The following CRYL1 variants were observed in gnomAD, a reference collection of about 807,000 sequenced individuals.
The protein encoded by CRYL1 is crystallin lambda 1.
CRYL1 carries 29 observed loss-of-function variants against 36.6 expected under a neutral mutation model. The observed-to-expected ratio is 0.79, with a 90% CI of 0.59 to 1.08. The LOEUF (loss-of-function observed/expected upper bound fraction) is 1.08. Ranked by LOEUF, CRYL1 falls within the 50% of genes least tolerant of loss-of-function variation. The pLI is 0.00. For missense variants in CRYL1, 411 were observed against 407.9 expected, an observed-to-expected ratio of 1.01 and a Z score of -0.06; for synonymous variants, 152 against 151.5, an observed-to-expected ratio of 1.00 and a Z score of -0.02.
intron 2 of CRYL1, among the ~76,000 whole-genome samples, chr13:20,490,361 C>T (rs2033485799): frequency 6.6e-6 from 1 of 152,140 alleles, no homozygotes; most frequent in Non-Finnish European, 1.5e-5. Context: ...CACTGCACTC[C>T]AGCCTGAGCG....
intron 5 of CRYL1, among the ~76,000 whole-genome samples, chr13:20,416,336 TG>T (rs1565956862): frequency 6.6e-6 from 1 of 152,172 alleles, no homozygotes; most frequent in Non-Finnish European, 1.5e-5. Flanking sequence ...TCACGGGGGC[TG>T]GGGGATATCT....
At chr13:20,468,642 G>C (rs1035113941) in intron 3 of CRYL1, among the ~76,000 whole-genome samples, 1 of 152,026 alleles carries the variant, frequency 6.6e-6, no homozygotes, top group Admixed American at 6.6e-5. Flanking sequence ...GTCTCGCTCT[G>C]TTGCCCAGGC....
intron 3 of CRYL1, among the ~76,000 whole-genome samples, chr13:20,463,661 G>A (rs540978637): frequency 6.6e-6 from 1 of 152,296 alleles, no homozygotes; most frequent in Non-Finnish European, 1.5e-5. Context: ...CAGGTAGCTA[G>A]CTCGGGGTCC....
intron 3 of CRYL1, among the ~76,000 whole-genome samples, chr13:20,475,248 C>G (rs2033143275): frequency 6.6e-6 from 1 of 152,314 alleles, no homozygotes; most frequent in South Asian, 2.1e-4. Flanking sequence ...GTGTCTCTCC[C>G]TCCCTGGCAG....
intron 4 of CRYL1, 79 bp downstream of exon 4, chr13:20,439,514 C>CAAA (rs56087130): frequency 4.0e-4 from 133 of 331,762 alleles, no homozygotes; most frequent in African/African-American, 1.1e-3. Context: ...CCCTCCCCCG[C>CAAA]AAAAAAAAAA....
At chr13:20,508,301 G>A (rs1225034401) in intron 2 of CRYL1, among the ~76,000 whole-genome samples, 1 of 152,126 alleles carries the variant, frequency 6.6e-6, no homozygotes, top group East Asian at 1.9e-4. Context: ...AGAAGGAGAA[G>A]CATTTTTTAG....
chr13:20,496,179 C>T (rs9509251), intron 2 of CRYL1, among the ~76,000 whole-genome samples: 139,946 of 152,212 alleles, frequency 0.92, 65,562 homozygotes, highest in East Asian at 1. Context: ...ATGACTCCAC[C>T]TACAACAGGT....
At chr13:20,447,978 G>A (rs73160883) in intron 3 of CRYL1, among the ~76,000 whole-genome samples, 45 of 152,202 alleles carry the variant, frequency 3.0e-4, no homozygotes, top group South Asian at 8.3e-4. Context: ...ACACACCCGA[G>A]AAAGTGATCT....
intron 5 of CRYL1, chr13:20,431,472 C>G: frequency 1.0e-6 from 1 of 991,682 alleles, no homozygotes; most frequent in South Asian, 4.6e-5. Flanking sequence ...TCCGCCTCGT[C>G]CTGGGGTCCA....
rs61380702 is a variant in CRYL1 at position 20,505,359 on chromosome 13, C to CAAAAAAAAAAAAAAAAA, written c.149+7067_149+7083dup. ...GCAACAAAGTGAGACTCTATCCCAC[C>CAAAAAAAAAAAAAAAAA]AAAAAAAAAAAAAAAAAAAAAAATC... On this transcript the variant is annotated intron_variant, in intron 2 of 7. Transcript: ENST00000298248. Among the ~76,000 whole-genome samples the CAAAAAAAAAAAAAAAAA allele has an allele frequency of 2.3e-3, 214 of 91,162 alleles. 2 individuals carry two copies. The highest frequency in any genetic ancestry group is 4.5e-3 in the East Asian group (12 of 2,674). The allele number at this position is 91,162 out of a possible 152,430, so 59.8% of individuals were successfully genotyped here.
chr13:20,483,213 C>T (rs1370283547), intron 3 of CRYL1, among the ~76,000 whole-genome samples: 2 of 152,140 alleles, frequency 1.3e-5, no homozygotes, highest in East Asian at 1.9e-4. Context: ...AAAAGATAAA[C>T]GTGTGAGGTT....
rs577167120 is a variant in CRYL1 at position 20,404,797 on chromosome 13, T to G, written c.740-56A>C. 3.7e-4 allele frequency: 454 copies of G among 1,224,370 alleles called. 1 individual carries two copies. The highest frequency in any genetic ancestry group is 5.0e-4 in the Non-Finnish European group (411 of 829,022). The allele number at this position is 1,224,370 out of a possible 1,614,324, so 75.8% of individuals were successfully genotyped here. A position where few individuals can be genotyped will look rare whatever the true frequency, so the allele number is the denominator to read the frequency against. ...TCTCAGAAAAAAACATTCTTAGTTA[T>G]ATTCAAACTCAGAAATGCATTCAGA... On this transcript the variant is annotated intron_variant, in intron 6 of 7. Coordinates refer to ENST00000298248, the MANE Select transcript of CRYL1 (RefSeq NM_015974.3).
chr13:20,472,364 T>C (rs1321191174), intron 3 of CRYL1, among the ~76,000 whole-genome samples: 5 of 152,114 alleles, frequency 3.3e-5, no homozygotes, highest in Admixed American at 1.3e-4. Flanking sequence ...TTTTGCCAAA[T>C]ATTTTCAAGT....
chr13:20,512,077 G>A (rs982597362), intron 2 of CRYL1, among the ~76,000 whole-genome samples: 1 of 152,198 alleles, frequency 6.6e-6, no homozygotes, highest in African/African-American at 2.4e-5. Context: ...TTCCTAAACT[G>A]TAATGCCCCT....
chr13:20,471,442 A>G (rs1424412240), intron 3 of CRYL1, among the ~76,000 whole-genome samples: 3 of 152,012 alleles, frequency 2.0e-5, no homozygotes, highest in Non-Finnish European at 2.9e-5. Context: ...CATCTCTACT[A>G]AAAATACGAA....
At chr13:20,506,476 G>A (rs1382149185) in intron 2 of CRYL1, among the ~76,000 whole-genome samples, 2 of 151,790 alleles carry the variant, frequency 1.3e-5, no homozygotes, top group African/African-American at 4.8e-5. Flanking sequence ...ATGATATTAA[G>A]AAATACAGCT....
In CRYL1 at chr13:20,430,599, T is replaced by A. The variant is rs953958; in HGVS notation, c.633+1503A>T. On this transcript the variant is annotated intron_variant, in intron 5 of 7. Coordinates refer to ENST00000298248, the MANE Select transcript of CRYL1 (RefSeq NM_015974.3). ...CAAAAGGAAACACCAGAGTCCTCCA[T>A]GGCTCTTGCAATGGAGAGTTCTTTG... The A allele has an allele frequency of 2.1e-3, 2,097 of 985,164 alleles. 2 individuals are homozygous for A. Among genetic ancestry groups the A allele is most frequent in the Non-Finnish European group, 2.4e-3 (1,999 of 829,880 alleles). 61.0% of individuals were successfully genotyped at this position (985,164 alleles called of 1,614,324 possible).
At position 20,463,256 on chromosome 13, in the gene CRYL1, C is replaced by G. The variant is rs73443967; in HGVS notation, c.277-23502G>C. ...GCTCATTGTCAAAAATTTAGACAAA[C>G]CTCAACCAAACTCCACCTCCAAGAG... On this transcript the variant is annotated intron_variant, in intron 3 of 7. Transcript: ENST00000298248. Among the ~76,000 whole-genome samples, 300 of 152,308 alleles carry G rather than the reference C, an allele frequency of 2.0e-3. 3 individuals are homozygous for G. The highest frequency in any genetic ancestry group is 7.0e-3 in the African/African-American group (293 of 41,572).
chr13:20,476,603 G>A (rs2033172459), intron 3 of CRYL1, among the ~76,000 whole-genome samples: 3 of 152,250 alleles, frequency 2.0e-5, no homozygotes, highest in South Asian at 4.1e-4. Context: ...ATACCGCTAG[G>A]TGAGCAGCAG....
Sources: gnomAD v4.1 joint callset for allele counts (sites outside exome capture counted in the v4.1 genomes callset) on GRCh38, gnomAD v4.1.1 for gene constraint, MANE v1.5 for transcripts, NCBI Gene and HGNC (gene_info 2026-07-23, HGNC 2026-07-21) for gene names.